CDH18: variants seen among roughly 807,000 people sequenced by gnomAD.
The protein encoded by CDH18 is cadherin 18.
A neutral mutation model predicts 67.9 loss-of-function variants in CDH18; 31 were observed. The observed-to-expected ratio is 0.46, with a 90% confidence interval of 0.34 to 0.62. The LOEUF is 0.62. Ranked by LOEUF, CDH18 falls within the 20% of genes least tolerant of loss-of-function variation. CDH18 has a pLI of 0.01. For synonymous variants in CDH18, 362 were observed against 347.2 expected, an observed-to-expected ratio of 1.04 and a Z score of -0.48; for missense variants, 890 against 975.5, an observed-to-expected ratio of 0.91 and a Z score of 1.17.
At chr5:19,658,131 ATTGC>A (rs59259789) in intron 5 of CDH18, among the ~76,000 whole-genome samples, 85,075 of 151,584 alleles carry the variant, frequency 0.56, 27,002 homozygotes, top group East Asian at 0.74. Flanking sequence ...TCTCTTTATT[ATTGC>A]TTTATGCAAT....
chr5:20,273,618 A>C (rs1745594959), intron 1 of CDH18, among the ~76,000 whole-genome samples: 1 of 152,050 alleles, frequency 6.6e-6, no homozygotes, highest in South Asian at 2.1e-4. Flanking sequence ...TGAATTATTA[A>C]ATCTTGACAA....
intron 8 of CDH18, among the ~76,000 whole-genome samples, chr5:19,564,941 G>A (rs1740101288): frequency 6.6e-6 from 1 of 152,016 alleles, no homozygotes; most frequent in Non-Finnish European, 1.5e-5. Context: ...TACCACATGG[G>A]GAGAAACTCC....
chr5:20,114,859 A>G (rs1414495667), intron 2 of CDH18, among the ~76,000 whole-genome samples: 7 of 152,146 alleles, frequency 4.6e-5, no homozygotes, highest in Admixed American at 4.6e-4. Context: ...AGAAATTAAG[A>G]ATATAAAAAA....
chr5:20,378,237 G>A (rs1478013806), intron 1 of CDH18, among the ~76,000 whole-genome samples: 6 of 151,984 alleles, frequency 3.9e-5, no homozygotes, highest in African/African-American at 1.2e-4. Context: ...GCAGTGGTGC[G>A]CTCGGCTCCC....
chr5:20,488,675 A>T (rs1396337), intron 1 of CDH18, among the ~76,000 whole-genome samples: 384 of 32,042 alleles, frequency 0.012, 2 homozygotes, highest in African/African-American at 0.038. Context: ...GTAGTGTTTT[A>T]TATATATATA....
intron 3 of CDH18, among the ~76,000 whole-genome samples, chr5:19,770,326 T>G (rs1162149151): frequency 6.6e-6 from 1 of 151,892 alleles, no homozygotes; most frequent in East Asian, 1.9e-4. Context: ...AAAAAAAACA[T>G]AATCAGCAGA....
rs528970845 is a variant in CDH18 at position 20,458,284 on chromosome 5, A to C, written c.-580+117178T>G. On this transcript the variant is annotated intron_variant, in intron 1 of 14. Coordinates refer to the CDH18 transcript ENST00000507958. Reference sequence around the variant, plus strand: ...AAGTTTGTTTGTTTTGTAATAAGAAATGAAGTACCATACTTATATATGTAA... The same window carrying C: ...AAGTTTGTTTGTTTTGTAATAAGAACTGAAGTACCATACTTATATATGTAA... Among the ~76,000 whole-genome samples the C allele has an allele frequency of 4.6e-5, 7 of 152,266 alleles. No individual in the cohort carries two copies. The South Asian group carries it at 8.3e-4, about 18-fold the overall frequency.
intron 1 of CDH18, chr5:20,305,573 T>C: frequency 1.6e-6 from 1 of 618,416 alleles, no homozygotes; most frequent in Non-Finnish European, 2.9e-6. Context: ...GCTCGGCCGC[T>C]TCCGGTCCTG....
intron 1 of CDH18, among the ~76,000 whole-genome samples, chr5:20,487,041 C>T (rs972635846): frequency 5.9e-5 from 9 of 152,130 alleles, no homozygotes; most frequent in Non-Finnish European, 1.0e-4. Context: ...CCCCTGACTG[C>T]GTTACAGTTG....
intron 3 of CDH18, among the ~76,000 whole-genome samples, chr5:19,794,839 C>T (rs905195419): frequency 6.6e-6 from 1 of 152,076 alleles, no homozygotes; most frequent in Non-Finnish European, 1.5e-5. Flanking sequence ...TCATTTTTCC[C>T]TATTCCTTCC....
intron 1 of CDH18, among the ~76,000 whole-genome samples, chr5:20,494,400 T>C (rs985208341): frequency 1.3e-5 from 2 of 151,064 alleles, no homozygotes; most frequent in Non-Finnish European, 3.0e-5. Context: ...AAGAGGGAGG[T>C]TGTGAGAAAG....
rs139264465 is a variant in CDH18 at position 20,432,026 on chromosome 5, T to C, written c.-580+143436A>G. Among the ~76,000 whole-genome samples, 357 of 152,258 alleles carry C rather than the reference T, an allele frequency of 2.3e-3. 1 individual carries two copies. Among genetic ancestry groups the C allele is most frequent in the African/African-American group, 7.8e-3 (324 of 41,558 alleles). On this transcript the variant is annotated intron_variant, in intron 1 of 14. Transcript: ENST00000507958. ...GAAATGGATTACTCCAAAGGTTAAC[T>C]GAAATGATCTCAAACCTGGAACCAT...
chr5:19,782,680 T>C (rs1041182258), intron 3 of CDH18, among the ~76,000 whole-genome samples: 2 of 152,152 alleles, frequency 1.3e-5, no homozygotes, highest in East Asian at 1.9e-4. Flanking sequence ...TGCTGTGATT[T>C]GGAAGGAGTT....
chr5:19,813,183 T>C (rs1018666154), intron 3 of CDH18, among the ~76,000 whole-genome samples: 1 of 151,936 alleles, frequency 6.6e-6, no homozygotes, highest in Non-Finnish European at 1.5e-5. Context: ...GAGAAATATC[T>C]AATGTAGATG....
At chr5:19,960,780 T>C (rs1374531689) in intron 2 of CDH18, among the ~76,000 whole-genome samples, 1 of 118,188 alleles carries the variant, frequency 8.5e-6, no homozygotes, top group African/African-American at 6.8e-5. Flanking sequence ...TATACACGTG[T>C]ATATATATGT....
rs1319857654 is a variant in CDH18 at position 19,836,102 on chromosome 5, G to C, written c.228+2657C>G. ...CCCTTTTCCAGAAAATTTTGTTTCTGTTTCTTAGTTAGATTAAAATTTTAA... is the reference window on the plus strand; with the variant it reads ...CCCTTTTCCAGAAAATTTTGTTTCTCTTTCTTAGTTAGATTAAAATTTTAA... On this transcript the variant is annotated intron_variant, in intron 3 of 12. Transcript: ENST00000382275. Among the ~76,000 whole-genome samples, 4 of 152,170 alleles carry C rather than the reference G, an allele frequency of 2.6e-5. No homozygotes were observed. In the East Asian group the frequency reaches 7.7e-4, roughly 29 times the overall value.
intron 1 of CDH18, among the ~76,000 whole-genome samples, chr5:20,430,534 A>G (rs541090263): frequency 6.6e-6 from 1 of 152,310 alleles, no homozygotes; most frequent in Non-Finnish European, 1.5e-5. Flanking sequence ...CCATCTATAT[A>G]CCTTGGACTC....
chr5:19,808,832 C>CAA (rs1173922790), intron 3 of CDH18, among the ~76,000 whole-genome samples: 1,023 of 52,068 alleles, frequency 0.02, 17 homozygotes, highest in East Asian at 0.033. Flanking sequence ...AACTCTGTCT[C>CAA]AAAAAAAAAA....
rs553408150 is a variant in CDH18, at chr5:19,564,933, C to A, written c.1253+6646G>T. Among the ~76,000 whole-genome samples, 5 of 152,092 alleles carry A rather than the reference C, an allele frequency of 3.3e-5. No individual in the cohort carries two copies. In the East Asian group the frequency reaches 9.8e-4, roughly 30 times the overall value. On this transcript the variant is annotated intron_variant, in intron 8 of 12. Coordinates refer to ENST00000382275, the MANE Select transcript of CDH18 (RefSeq NM_004934.5). ...ATGGGTGGTATCCAGGCAGTACATA[C>A]CACATGGGGAGAAACTCCTGCTTGA...
Sources: allele counts gnomAD v4.1 joint callset (sites outside exome capture counted in the v4.1 genomes callset), GRCh38; gene constraint gnomAD v4.1.1; transcripts MANE v1.5; gene names NCBI Gene and HGNC (gene_info 2026-07-23, HGNC 2026-07-21).